Variants in DCLK1 observed in about 807,000 individuals in gnomAD.
The protein encoded by DCLK1 is doublecortin like kinase 1.
DCLK1 carries 16 observed loss-of-function variants against 86.2 expected under a neutral mutation model. The ratio of observed to expected loss-of-function variants is 0.19; its 90% CI spans 0.13 to 0.28. DCLK1 has a LOEUF of 0.28. Among genes scored for constraint, DCLK1 ranks in the 10% least tolerant of loss-of-function variants. DCLK1 has a pLI of 1.00. For synonymous variants in DCLK1, 369 were observed against 370.5 expected, an observed-to-expected ratio of 1.00 and a Z score of 0.05; for missense variants, 590 against 940.2, an observed-to-expected ratio of 0.63 and a Z score of 4.87.
intron 3 of DCLK1, among the ~76,000 whole-genome samples, chr13:36,061,538 T>A (rs987123570): frequency 6.6e-6 from 1 of 152,194 alleles, no homozygotes; most frequent in South Asian, 2.1e-4. Context: ...TTCTTTTGTT[T>A]TAGTTACTTT....
intron 3 of DCLK1, among the ~76,000 whole-genome samples, chr13:35,976,038 A>G (rs1879311881): frequency 6.6e-6 from 1 of 152,230 alleles, no homozygotes; most frequent in Non-Finnish European, 1.5e-5. Context: ...GAGGGGAGCC[A>G]GTCCTCTAGG....
At chr13:36,119,843 A>C (rs1885922118) in intron 2 of DCLK1, among the ~76,000 whole-genome samples, 1 of 152,196 alleles carries the variant, frequency 6.6e-6, no homozygotes, top group Non-Finnish European at 1.5e-5. Context: ...AGGAAAGCCA[A>C]ATGAGGCCTG....
chr13:35,909,597 ATGTGTGTGTGTG>A (rs57044533), intron 4 of DCLK1, among the ~76,000 whole-genome samples: 50,638 of 145,820 alleles, frequency 0.35, 9,261 homozygotes, highest in Middle Eastern at 0.42. Context: ...CTGTGTGCAT[ATGTGTGTGTGTG>A]TGTGTGTGTG....
intron 5 of DCLK1, chr13:35,869,133 A>C (rs1177223805): frequency 2.0e-6 from 1 of 511,532 alleles, no homozygotes; most frequent in South Asian, 1.4e-5. Context: ...AATGTTTTTT[A>C]GTTAAGACTG....
chr13:36,014,263 A>G (rs890625170), intron 3 of DCLK1, among the ~76,000 whole-genome samples: 1 of 152,202 alleles, frequency 6.6e-6, no homozygotes, highest in Non-Finnish European at 1.5e-5. Context: ...AGAGAGCTGA[A>G]GATCATATAA....
At chr13:35,862,257 C>T (rs892227117) in intron 5 of DCLK1, among the ~76,000 whole-genome samples, 1 of 152,140 alleles carries the variant, frequency 6.6e-6, no homozygotes, top group Non-Finnish European at 1.5e-5. Flanking sequence ...ATTTCCAAAT[C>T]GCCTCACACT....
At chr13:35,995,062 A>G (rs554733979) in intron 3 of DCLK1, among the ~76,000 whole-genome samples, 24 of 152,362 alleles carry the variant, frequency 1.6e-4, no homozygotes, top group Admixed American at 1.1e-3. Flanking sequence ...TTCACCAAAT[A>G]GCATATGCTC....
At chr13:36,117,746 C>A (rs1236121761) in intron 2 of DCLK1, among the ~76,000 whole-genome samples, 1 of 152,144 alleles carries the variant, frequency 6.6e-6, no homozygotes, top group Non-Finnish European at 1.5e-5. Context: ...CTAACTTAGC[C>A]ACTCTGGGAA....
intron 3 of DCLK1, among the ~76,000 whole-genome samples, chr13:36,079,333 C>T (rs1392808839): frequency 2.0e-5 from 3 of 152,108 alleles, no homozygotes; most frequent in Non-Finnish European, 4.4e-5. Flanking sequence ...AGAAAAGGAA[C>T]ATTAAGAAAA....
At chr13:36,022,669 C>T (rs9546172) in intron 3 of DCLK1, among the ~76,000 whole-genome samples, 7,185 of 151,986 alleles carry the variant, frequency 0.047, 176 homozygotes, top group Middle Eastern at 0.092. Context: ...ATAATCTGGA[C>T]GAAATGCCCG....
intron 3 of DCLK1, among the ~76,000 whole-genome samples, chr13:36,033,720 G>A (rs1177545754): frequency 6.6e-6 from 1 of 152,184 alleles, no homozygotes; most frequent in Non-Finnish European, 1.5e-5. Context: ...GAGGCCAGGA[G>A]TTTGAGACCA....
chr13:35,998,204 G>A (rs1259723941), intron 3 of DCLK1, among the ~76,000 whole-genome samples: 4 of 151,976 alleles, frequency 2.6e-5, no homozygotes, highest in African/African-American at 4.8e-5. Flanking sequence ...GACTCACAAC[G>A]TCCTTAAGAT....
chr13:36,045,936 C>CT (rs928014864), intron 3 of DCLK1, among the ~76,000 whole-genome samples: 29 of 151,952 alleles, frequency 1.9e-4, no homozygotes, highest in African/African-American at 7.0e-4. Context: ...TAAATCAACA[C>CT]TTTAACTTTC....
chr13:35,980,194 G>T lies in DCLK1; in HGVS notation c.724-32737C>A, dbSNP rs554867646. ...TCCCTGGCTGAGTGTGGTGGCTTAC[G>T]TCTGTAATCCTAGCAATGTGGGAGG... On this transcript the variant is annotated intron_variant, in intron 3 of 16. Coordinates refer to ENST00000360631, the MANE Select transcript of DCLK1 (RefSeq NM_001330071.2). 3.3e-5 allele frequency among the ~76,000 whole-genome samples: 5 copies of T among 152,280 alleles called. No individual in the cohort carries two copies. The East Asian group carries it at 9.7e-4, about 29-fold the overall frequency.
intron 6 of DCLK1, chr13:35,848,172 A>G: frequency 1.0e-6 from 1 of 985,316 alleles, no homozygotes; most frequent in Non-Finnish European, 1.2e-6. Context: ...CTTTTGCTGA[A>G]GCATTCCCCG....
rs376645526 is a variant in DCLK1, at chr13:35,827,799, T to C, written c.1288-45A>G. On this transcript the variant is annotated intron_variant, in intron 9 of 16. Transcript: ENST00000360631. Reference sequence around the variant, plus strand: ...TCTTCATCAGCTTCCATAAAACATGTGGAGGGCTAACTCAAATGAGTACAA... The same window carrying C: ...TCTTCATCAGCTTCCATAAAACATGCGGAGGGCTAACTCAAATGAGTACAA... 9 of 1,608,280 alleles carry C rather than the reference T, an allele frequency of 5.6e-6. No individual in the cohort carries two copies. The African/African-American group carries it at 1.2e-4, about 21-fold the overall frequency.
intron 4 of DCLK1, among the ~76,000 whole-genome samples, chr13:35,932,052 G>A (rs1168226451): frequency 6.6e-6 from 1 of 152,160 alleles, no homozygotes; most frequent in East Asian, 1.9e-4. Context: ...GGGTGTGTCT[G>A]TGAGGATGCT....
At chr13:35,840,783 G>A (rs1382767478) in intron 6 of DCLK1, among the ~76,000 whole-genome samples, 1 of 152,178 alleles carries the variant, frequency 6.6e-6, no homozygotes, top group East Asian at 1.9e-4. Context: ...CTGTGGAAGG[G>A]ACTATAAATG....
At chr13:35,804,983 G>A (rs2086996463) in intron 15 of DCLK1, among the ~76,000 whole-genome samples, 1 of 152,212 alleles carries the variant, frequency 6.6e-6, no homozygotes, top group Non-Finnish European at 1.5e-5. Flanking sequence ...TCAAGTTTGA[G>A]AAGTGCTGAA....
Sources: allele counts gnomAD v4.1 joint callset (sites outside exome capture counted in the v4.1 genomes callset), GRCh38; gene constraint gnomAD v4.1.1; transcripts MANE v1.5; gene names NCBI Gene and HGNC (gene_info 2026-07-23, HGNC 2026-07-21).